Variants in ADRA1B observed in about 807,000 individuals in gnomAD.
ADRA1B encodes the protein adrenoceptor alpha 1B, also known as alpha-1B adrenergic receptor.
ADRA1B carries 17 observed loss-of-function variants against 17.9 expected under a neutral mutation model. That is an observed-to-expected ratio of 0.95 (90% CI 0.65 to 1.42). The LOEUF is 1.42. Ranked by LOEUF, ADRA1B falls within the 40% of genes most tolerant of loss-of-function variation. The pLI, the probability that ADRA1B is intolerant of heterozygous loss-of-function variation, is 0.00. For synonymous variants in ADRA1B, 366 were observed against 327.6 expected, an observed-to-expected ratio of 1.12 and a Z score of -1.27; for missense variants, 681 against 722.1, an observed-to-expected ratio of 0.94 and a Z score of 0.65.
Position 159,972,432 on chromosome 5 carries a change from C to T in ADRA1B, c.1503C>T (p.Asp501=), listed in dbSNP as rs865792673. The T allele has an allele frequency of 2.7e-6, 4 of 1,502,058 alleles. No individual in the cohort carries two copies. Among genetic ancestry groups the T allele is most frequent in the Admixed American group, 4.2e-5 (2 of 47,574 alleles). 93.0% of individuals were successfully genotyped at this position (1,502,058 alleles called of 1,614,324 possible). A position where few individuals can be genotyped will look rare whatever the true frequency, so the allele number is the denominator to read the frequency against. Residue 501 remains aspartate, a synonymous_variant, in exon 2 of 2, where the codon GAC becomes GAT. Transcript: ENST00000306675. ...ASNGGCEAAA[D]VANGQPGFKS... ...ACGGAGGCTGCGAGGCCGCGGCCGA[C>T]GTGGCCAACGGGCAGCCGGGCTTCA...
At chr5:159,883,079 C>T (rs1443119948) in intron 1 of ADRA1B, among the ~76,000 whole-genome samples, 1 of 152,160 alleles carries the variant, frequency 6.6e-6, no homozygotes, top group Non-Finnish European at 1.5e-5. Context: ...TCCAAGCCAC[C>T]ATGTTTACTG....
chr5:159,888,649 C>A (rs143360353), intron 1 of ADRA1B, among the ~76,000 whole-genome samples: 12 of 152,206 alleles, frequency 7.9e-5, no homozygotes, highest in African/African-American at 2.6e-4. Context: ...AGAGTAGGAA[C>A]TGCAGAAAGC....
chr5:159,905,373 G>T (rs1040546991), intron 1 of ADRA1B, among the ~76,000 whole-genome samples: 1 of 152,232 alleles, frequency 6.6e-6, no homozygotes, highest in Non-Finnish European at 1.5e-5. Context: ...GAATCAAAAA[G>T]GCTGGGCCAG....
chr5:159,960,940 A>G (rs942514634), intron 1 of ADRA1B, among the ~76,000 whole-genome samples: 9 of 152,242 alleles, frequency 5.9e-5, no homozygotes, highest in Admixed American at 5.9e-4. Flanking sequence ...GAAGAGTCAG[A>G]CATGAACCCT....
intron 1 of ADRA1B, chr5:159,947,699 G>T (rs894139282): frequency 2.0e-6 from 2 of 985,344 alleles, no homozygotes; most frequent in Non-Finnish European, 2.4e-6. Flanking sequence ...GAAAGCAAAG[G>T]CTCTTTAAGC....
In ADRA1B at chr5:159,968,446, G is replaced by A. The variant is rs542602510; in HGVS notation, c.950-3433G>A. On this transcript the variant is annotated intron_variant, in intron 1 of 1. Coordinates refer to ENST00000306675, the MANE Select transcript of ADRA1B (RefSeq NM_000679.4). ...CCTATTTCACAACCACCTTCAATGG[G>A]GTTGGCACCAAACAAAGTTATAATT... 2.6e-5 allele frequency among the ~76,000 whole-genome samples: 4 copies of A among 152,180 alleles called. No homozygotes were observed. The South Asian group carries it at 8.3e-4, about 32-fold the overall frequency.
chr5:159,932,363 G>T (rs1754834436), intron 1 of ADRA1B, among the ~76,000 whole-genome samples: 1 of 151,990 alleles, frequency 6.6e-6, no homozygotes. Flanking sequence ...TCCTCATGTT[G>T]CCCAGGCTGG....
Position 159,917,208 on chromosome 5 carries a change from C to T in ADRA1B, c.303C>T (p.Phe101=). 1 of 1,614,212 alleles carries T rather than the reference C, an allele frequency of 6.2e-7. No individual in the cohort carries two copies. The highest frequency in any genetic ancestry group is 8.5e-7 in the Non-Finnish European group (1 of 1,180,048). ...DLLLSFTVLP[F]SAALEVLGYW... is the part of the protein sequence containing the mutation. ...TGTTGAGCTTCACCGTCCTGCCCTT[C>T]TCAGCGGCCCTAGAGGTGCTCGGCT... The change falls in exon 1 of 2, where the codon TTC becomes TTT. Residue 101 remains phenylalanine, a synonymous_variant. Coordinates refer to ENST00000306675, the MANE Select transcript of ADRA1B (RefSeq NM_000679.4).
At chr5:159,874,741 G>T (rs879329184) in intron 1 of ADRA1B, among the ~76,000 whole-genome samples, 17 of 152,178 alleles carry the variant, frequency 1.1e-4, no homozygotes, top group Middle Eastern at 3.2e-3. Context: ...AAGGAGCCTG[G>T]ACTTGCCCCC....
chr5:159,918,482 A>G (rs562989299), intron 1 of ADRA1B, among the ~76,000 whole-genome samples: 23 of 152,368 alleles, frequency 1.5e-4, no homozygotes, highest in Non-Finnish European at 2.6e-4. Flanking sequence ...AGTTATTGAA[A>G]GCTTGAGATG....
intron 1 of ADRA1B, among the ~76,000 whole-genome samples, chr5:159,896,858 T>C (rs538467243): frequency 1.3e-5 from 2 of 152,206 alleles, no homozygotes; most frequent in Non-Finnish European, 2.9e-5. Context: ...TATTATTTAA[T>C]GAATTCCCAT....
In ADRA1B at chr5:159,916,538, A is replaced by T; in HGVS notation, c.-368A>T. 5.8e-6 allele frequency: 1 copy of T among 173,838 alleles called. No homozygotes were observed. Among genetic ancestry groups the T allele is most frequent in the African/African-American group, 2.4e-5 (1 of 42,354 alleles). The allele number at this position is 173,838 out of a possible 1,614,324, so 10.8% of individuals were successfully genotyped here. A position where few individuals can be genotyped will look rare whatever the true frequency, so the allele number is the denominator to read the frequency against. ...ACCCTCTTCGGCGCTCGCTGGGCGG[A>T]GGACGCGCCGCGGTCCGCAGACCCG... On this transcript the variant is annotated 5_prime_UTR_variant, in exon 1 of 2. Transcript: ENST00000306675.
At chr5:159,913,005 A>G (rs1369547908), upstream of ADRA1B, among the ~76,000 whole-genome samples, 1 of 152,198 alleles carries the variant, frequency 6.6e-6, no homozygotes, top group African/African-American at 2.4e-5. Context: ...TAGAGAGAGC[A>G]CCATGAAAAA....
At chr5:159,875,951 G>A (rs1314179072) in intron 1 of ADRA1B, among the ~76,000 whole-genome samples, 5 of 152,216 alleles carry the variant, frequency 3.3e-5, no homozygotes, top group African/African-American at 1.2e-4. Context: ...CACTTTGGGA[G>A]GCTGAGGTGG....
At chr5:159,944,396 A>G (rs1316706837) in intron 1 of ADRA1B, among the ~76,000 whole-genome samples, 2 of 152,256 alleles carry the variant, frequency 1.3e-5, no homozygotes, top group African/African-American at 4.8e-5. Context: ...CTTTTAAAGA[A>G]TGATCTGAAG....
intron 1 of ADRA1B, among the ~76,000 whole-genome samples, chr5:159,932,106 A>G (rs746177620): frequency 6.6e-6 from 1 of 152,296 alleles, no homozygotes; most frequent in South Asian, 2.1e-4. Context: ...ACTTCTTATC[A>G]TATCGATGAA....
chr5:159,970,494 G>T (rs560445700), intron 1 of ADRA1B, among the ~76,000 whole-genome samples: 9 of 152,304 alleles, frequency 5.9e-5, no homozygotes, highest in African/African-American at 1.9e-4. Flanking sequence ...GGGACATCCA[G>T]GTTGTCTCCC....
chr5:159,931,214 AC>A (rs35597556), intron 1 of ADRA1B, among the ~76,000 whole-genome samples: 69,485 of 149,132 alleles, frequency 0.47, 16,469 homozygotes, highest in East Asian at 0.74. Context: ...ACATAGGGAG[AC>A]CCCCCATCTC....
At chr5:159,971,748 G>C in intron 1 of ADRA1B, 131 bp from the exon 2 acceptor site, 1 of 975,050 alleles carries the variant, frequency 1.0e-6, no homozygotes, top group East Asian at 3.0e-5. Context: ...CAGAGGAACC[G>C]GCTCGGGGAA....
Sources: gnomAD v4.1 joint callset for allele counts (sites outside exome capture counted in the v4.1 genomes callset) on GRCh38, gnomAD v4.1.1 for gene constraint, MANE v1.5 for transcripts, NCBI Gene and HGNC (gene_info 2026-07-23, HGNC 2026-07-21) for gene names.